KCNH5: variants seen among roughly 807,000 people sequenced by gnomAD.
The protein encoded by KCNH5 is voltage-gated delayed rectifier potassium channel KCNH5.
KCNH5 carries 46 observed loss-of-function variants against 96.1 expected under a neutral mutation model. The ratio of observed to expected loss-of-function variants is 0.48; its 90% CI spans 0.38 to 0.61. The LOEUF is 0.61. Ranked by LOEUF, KCNH5 falls within the 20% of genes least tolerant of loss-of-function variation. The pLI is 0.00. For synonymous variants in KCNH5, 439 were observed against 449.8 expected, an observed-to-expected ratio of 0.98 and a Z score of 0.30; for missense variants, 907 against 1,225.8, an observed-to-expected ratio of 0.74 and a Z score of 3.88.
chr14:62,833,412 G>T (rs1887399365), intron 8 of KCNH5, among the ~76,000 whole-genome samples: 1 of 151,912 alleles, frequency 6.6e-6, no homozygotes, highest in Non-Finnish European at 1.5e-5. Flanking sequence ...TCCCCACTAT[G>T]TACTACTGAA....
intron 7 of KCNH5, among the ~76,000 whole-genome samples, chr14:62,933,443 C>G (rs1366649229): frequency 6.7e-6 from 1 of 149,532 alleles, no homozygotes; most frequent in Non-Finnish European, 1.5e-5. Context: ...CATATATATG[C>G]ACATATATAT....
At chr14:62,785,707 T>C (rs1187263184) in intron 9 of KCNH5, among the ~76,000 whole-genome samples, 1 of 152,198 alleles carries the variant, frequency 6.6e-6, no homozygotes, top group African/African-American at 2.4e-5. Context: ...AAGACTCATA[T>C]AGTAGGAAAC....
Position 62,937,093 on chromosome 14 carries a change from C to G in KCNH5, c.1369+13040G>C, listed in dbSNP as rs146238234. ...AAATCTATGTACAAATCCGGGGCCA[C>G]TTCACAGAATGCTAGAATCGTATAT... is the stretch of plus-strand genomic sequence containing the variant. On this transcript the variant is annotated intron_variant, in intron 7 of 10. Transcript: ENST00000322893. Among the ~76,000 whole-genome samples, 9 of 152,044 alleles carry G rather than the reference C, an allele frequency of 5.9e-5. No individual in the cohort carries two copies. The East Asian group carries it at 1.7e-3, about 29-fold the overall frequency.
In KCNH5 at chr14:62,779,802, C is replaced by G. The variant is rs754110774; in HGVS notation, c.1945G>C (p.Val649Leu). Residue 649 changes from valine to leucine, a missense_variant, in exon 10 of 11, where the codon GTC becomes CTC. Around this residue, in one of 6 missense-constraint regions of KCNH5, gnomAD observed 57 missense variants for 76.0 expected, o/e 0.75. Transcript: ENST00000322893. ...HIIKREALLKVLDFYTAFANS... is the reference protein window; with the variant it reads ...HIIKREALLKLLDFYTAFANS... ...GCAAAAGCTGTATAAAAGTCCAGGA[C>G]TTTGAGCAAGGCTTCCCGCTTGATG... is the stretch of plus-strand genomic sequence containing the variant. The G allele has an allele frequency of 6.2e-7, 1 of 1,613,928 alleles. No homozygotes were observed. Among genetic ancestry groups the G allele is most frequent in the Admixed American group, 1.7e-5 (1 of 59,990 alleles).
intron 7 of KCNH5, among the ~76,000 whole-genome samples, chr14:62,906,465 A>G (rs1327686402): frequency 6.6e-6 from 1 of 152,198 alleles, no homozygotes; most frequent in Non-Finnish European, 1.5e-5. Context: ...CTCTTTTACA[A>G]AAATCTATAT....
At chr14:62,935,812 C>T (rs1889669006) in intron 7 of KCNH5, among the ~76,000 whole-genome samples, 1 of 152,194 alleles carries the variant, frequency 6.6e-6, no homozygotes, top group Non-Finnish European at 1.5e-5. Flanking sequence ...GAGTCAAGAA[C>T]ACATGCAGCA....
At chr14:62,925,223 T>C (rs1889451568) in intron 7 of KCNH5, among the ~76,000 whole-genome samples, 1 of 151,998 alleles carries the variant, frequency 6.6e-6, no homozygotes. Context: ...GAGAATACAA[T>C]ATAAATTACT....
intron 9 of KCNH5, among the ~76,000 whole-genome samples, chr14:62,789,302 T>C (rs1277581701): frequency 3.3e-5 from 5 of 152,056 alleles, no homozygotes; most frequent in Non-Finnish European, 2.9e-5. Flanking sequence ...TGCATATACA[T>C]ACTACATTTT....
chr14:62,882,427 A>G (rs770337276), intron 7 of KCNH5, among the ~76,000 whole-genome samples: 7 of 152,178 alleles, frequency 4.6e-5, no homozygotes, highest in Non-Finnish European at 8.8e-5. Flanking sequence ...ATGCACAACC[A>G]TGGGACTTTA....
intron 9 of KCNH5, among the ~76,000 whole-genome samples, chr14:62,790,418 T>C (rs1886409240): frequency 6.6e-6 from 1 of 151,882 alleles, no homozygotes; most frequent in Admixed American, 6.6e-5. Flanking sequence ...TTGAGGATTG[T>C]GTTCTCTATT....
chr14:62,871,904 T>C (rs1326123397), intron 7 of KCNH5, among the ~76,000 whole-genome samples: 1 of 152,300 alleles, frequency 6.6e-6, no homozygotes, highest in South Asian at 2.1e-4. Flanking sequence ...ACTGAGTCAT[T>C]GTTTGTGTTC....
At chr14:62,867,174 G>T (rs953920319) in intron 7 of KCNH5, among the ~76,000 whole-genome samples, 10 of 152,234 alleles carry the variant, frequency 6.6e-5, no homozygotes, top group African/African-American at 2.4e-4. Context: ...CCCGTCATGT[G>T]GCCCCAACCC....
intron 6 of KCNH5, among the ~76,000 whole-genome samples, chr14:62,961,718 A>G (rs1329803557): frequency 1.3e-5 from 2 of 152,152 alleles, no homozygotes; most frequent in African/African-American, 4.8e-5. Flanking sequence ...AGATATGGAA[A>G]TGGAGGTGCA....
chr14:62,781,440 C>A (rs1886211072), intron 9 of KCNH5, among the ~76,000 whole-genome samples: 1 of 152,166 alleles, frequency 6.6e-6, no homozygotes, highest in Non-Finnish European at 1.5e-5. Flanking sequence ...CCAAAATTTA[C>A]TAGGCGGGAA....
At chr14:63,005,735 T>G (rs115379772) in intron 3 of KCNH5, among the ~76,000 whole-genome samples, 3,507 of 152,298 alleles carry the variant, frequency 0.023, 133 homozygotes, top group African/African-American at 0.079. Flanking sequence ...CAAACTCTGA[T>G]GGAAAGTCTA....
Position 63,008,006 on chromosome 14 carries a change from G to A in KCNH5, c.198-1534C>T, listed in dbSNP as rs111857671. Reference sequence around the variant, plus strand: ...TCTCAATGCTTTCAAATCATCAGTTGTACATCTGGTTTTAGATACACAGTT... The same window carrying A: ...TCTCAATGCTTTCAAATCATCAGTTATACATCTGGTTTTAGATACACAGTT... On this transcript the variant is annotated intron_variant, in intron 2 of 10. Transcript: ENST00000322893. Among the ~76,000 whole-genome samples, 214 of 152,198 alleles carry A rather than the reference G, an allele frequency of 1.4e-3. 1 individual carries two copies. The highest frequency in any genetic ancestry group is 5.0e-3 in the African/African-American group (209 of 41,532).
intron 6 of KCNH5, among the ~76,000 whole-genome samples, chr14:62,971,612 T>C (rs961455718): frequency 4.0e-5 from 6 of 151,696 alleles, no homozygotes; most frequent in Admixed American, 1.3e-4. Context: ...AGACTAACTA[T>C]AAAAGTATAG....
At chr14:62,853,373 A>G (rs764262098) in intron 7 of KCNH5, among the ~76,000 whole-genome samples, 3 of 149,710 alleles carry the variant, frequency 2.0e-5, no homozygotes, top group Non-Finnish European at 3.0e-5. Flanking sequence ...AAGTATAAAA[A>G]AAGAGTCTAG....
intron 7 of KCNH5, among the ~76,000 whole-genome samples, chr14:62,908,657 G>A (rs570150956): frequency 4.6e-5 from 7 of 152,254 alleles, no homozygotes; most frequent in Non-Finnish European, 1.0e-4. Context: ...CATGTGTCCA[G>A]CTATAGCTGG....
Sources: allele counts gnomAD v4.1 joint callset (sites outside exome capture counted in the v4.1 genomes callset), GRCh38; gene constraint gnomAD v4.1.1; regional missense constraint gnomAD v4.1.1; transcripts MANE v1.5; gene names NCBI Gene and HGNC (gene_info 2026-07-23, HGNC 2026-07-21).